ITPR2: variants seen among roughly 807,000 people sequenced by gnomAD.
The protein encoded by ITPR2 is inositol 1,4,5-trisphosphate receptor type 2, also known as inositol 1,4,5-trisphosphate-gated calcium channel ITPR2.
A neutral mutation model predicts 317.1 loss-of-function variants in ITPR2; 207 were observed. The ratio of observed to expected loss-of-function variants is 0.65; its 90% CI spans 0.58 to 0.73. The LOEUF (loss-of-function observed/expected upper bound fraction) is 0.73, where lower values mean the gene tolerates loss of function less well. Ranked by LOEUF, ITPR2 falls within the 30% of genes least tolerant of loss-of-function variation. The pLI, the probability that ITPR2 is intolerant of heterozygous loss-of-function variation, is 0.00. For missense variants in ITPR2, 2,613 were observed against 3,284.0 expected (o/e 0.80, Z 4.99); for synonymous variants, 1,156 against 1,149.1 (o/e 1.01, Z -0.12).
At chr12:26,432,994 C>T (rs1191065704) in intron 48 of ITPR2, among the ~76,000 whole-genome samples, 1 of 152,206 alleles carries the variant, frequency 6.6e-6, no homozygotes, top group Non-Finnish European at 1.5e-5. Flanking sequence ...CAGCACAGAG[C>T]TTTCCTTCTC....
In ITPR2 at chr12:26,439,066, C is replaced by G. The variant is rs1184448184; in HGVS notation, c.6643+61G>C. 1.6e-5 allele frequency: 17 copies of G among 1,062,284 alleles called. No individual in the cohort carries two copies. The East Asian group carries it at 4.0e-4, about 25-fold the overall frequency. The allele number at this position is 1,062,284 out of a possible 1,614,324, so 65.8% of individuals were successfully genotyped here. On this transcript the variant is annotated intron_variant, in intron 47 of 56. Transcript: ENST00000381340. ...TTTAAATGAGCTGCATCATGTGTCCCAAAGTACCAAATTATCTACCACTAT... is the reference window on the plus strand; with the variant it reads ...TTTAAATGAGCTGCATCATGTGTCCGAAAGTACCAAATTATCTACCACTAT...
chr12:26,489,452 C>G (rs1412228423), intron 39 of ITPR2, among the ~76,000 whole-genome samples: 1 of 152,214 alleles, frequency 6.6e-6, no homozygotes, highest in Non-Finnish European at 1.5e-5. Context: ...AGCACAGAAT[C>G]TGGAGCCAGA....
chr12:26,543,897 T>A (rs924897083), intron 37 of ITPR2, among the ~76,000 whole-genome samples: 1 of 152,186 alleles, frequency 6.6e-6, no homozygotes, highest in Non-Finnish European at 1.5e-5. Context: ...TGTTGTTACG[T>A]TTAAAAAGCC....
Position 26,628,168 on chromosome 12 carries a change from A to C in ITPR2, c.2935-6T>G. 2 of 1,580,340 alleles carry C rather than the reference A, an allele frequency of 1.3e-6. No individual in the cohort carries two copies. Among genetic ancestry groups the C allele is most frequent in the Non-Finnish European group, 1.7e-6 (2 of 1,161,910 alleles). On this transcript the variant is annotated splice_region_variant and splice_polypyrimidine_tract_variant and intron_variant, in intron 22 of 56. Coordinates refer to ENST00000381340, the MANE Select transcript of ITPR2 (RefSeq NM_002223.4). The stretch of plus-strand genomic sequence containing the variant: ...AGTCTGACACTCAGGATAAACTATA[A>C]GAAACATTAAGAACAACATAAATTT...
chr12:26,455,680 GGAA>G (rs986884522), intron 45 of ITPR2, among the ~76,000 whole-genome samples: 13 of 152,058 alleles, frequency 8.5e-5, no homozygotes, highest in Non-Finnish European at 1.5e-5. Context: ...GGAGAGGAAG[GGAA>G]GAAAGAGAAA....
intron 1 of ITPR2, among the ~76,000 whole-genome samples, chr12:26,790,735 G>A (rs1290129937): frequency 6.6e-6 from 1 of 152,092 alleles, no homozygotes; most frequent in Admixed American, 6.5e-5. Flanking sequence ...ATGTTTTACA[G>A]GGAATGTGTA....
intron 34 of ITPR2, among the ~76,000 whole-genome samples, chr12:26,570,112 T>C (rs536715366): frequency 5.3e-5 from 8 of 152,362 alleles, no homozygotes; most frequent in African/African-American, 1.9e-4. Flanking sequence ...CCTACTGTGC[T>C]ATAGACAAGG....
At chr12:26,596,413 G>A (rs900762530) in intron 31 of ITPR2, among the ~76,000 whole-genome samples, 4 of 152,278 alleles carry the variant, frequency 2.6e-5, no homozygotes, top group South Asian at 4.1e-4. Context: ...TTGGGAGGCC[G>A]AGGCAGGTGA....
intron 35 of ITPR2, 123 bp from the exon 36 acceptor site, chr12:26,556,498 C>T (rs942496381): frequency 1.1e-6 from 1 of 876,026 alleles, no homozygotes. Flanking sequence ...TCCATAGCAG[C>T]AAATGTCTGT....
intron 39 of ITPR2, 103 bp from the exon 40 acceptor site, chr12:26,487,354 A>G: frequency 1.4e-6 from 1 of 725,452 alleles, no homozygotes; most frequent in South Asian, 2.0e-5. Flanking sequence ...CACACACTTA[A>G]TGCACCACCC....
intron 37 of ITPR2, among the ~76,000 whole-genome samples, chr12:26,548,309 G>A (rs971834069): frequency 6.6e-6 from 1 of 152,158 alleles, no homozygotes; most frequent in Admixed American, 6.5e-5. Context: ...GTACATTATA[G>A]GTACATTGAG....
At chr12:26,691,662 G>T (rs1948242817) in intron 10 of ITPR2, among the ~76,000 whole-genome samples, 1 of 152,074 alleles carries the variant, frequency 6.6e-6, no homozygotes, top group Non-Finnish European at 1.5e-5. Flanking sequence ...GGGGCCTGCA[G>T]GCATCCGCAC....
intron 37 of ITPR2, among the ~76,000 whole-genome samples, chr12:26,522,877 C>G (rs1943701102): frequency 1.3e-5 from 2 of 152,212 alleles, no homozygotes; most frequent in South Asian, 4.1e-4. Context: ...GGTTTTGCTA[C>G]AGTTCAAGAC....
chr12:26,398,147 G>A (rs1940063597), intron 54 of ITPR2, among the ~76,000 whole-genome samples: 1 of 151,856 alleles, frequency 6.6e-6, no homozygotes, highest in African/African-American at 2.4e-5. Context: ...GAAGGGCCGG[G>A]TGCGGTGGCT....
At chr12:26,773,830 C>T (rs958646350) in intron 2 of ITPR2, among the ~76,000 whole-genome samples, 9 of 152,164 alleles carry the variant, frequency 5.9e-5, no homozygotes, top group Non-Finnish European at 2.9e-5. Context: ...TTTGGCCCTT[C>T]TCTGAAACCT....
At chr12:26,538,585 C>CT (rs1159647334) in intron 37 of ITPR2, among the ~76,000 whole-genome samples, 60 of 143,600 alleles carry the variant, frequency 4.2e-4, no homozygotes, top group South Asian at 1.7e-3. Flanking sequence ...TTCTTTTTTT[C>CT]TTTTTTTTTG....
At chr12:26,530,049 T>C (rs1943907857) in intron 37 of ITPR2, among the ~76,000 whole-genome samples, 1 of 152,230 alleles carries the variant, frequency 6.6e-6, no homozygotes, top group South Asian at 2.1e-4. Context: ...TTATATGCTT[T>C]GTAGTCCCAT....
In ITPR2 at chr12:26,339,192, AGCAGAT is replaced by A; in HGVS notation, c.*199_*204del. 2 of 549,530 alleles carry A rather than the reference AGCAGAT, an allele frequency of 3.6e-6. No individual in the cohort carries two copies. The highest frequency in any genetic ancestry group is 6.6e-5 in the Admixed American group (2 of 30,502). The allele number at this position is 549,530 out of a possible 1,614,324, so 34.0% of individuals were successfully genotyped here. ...TGCGAATGTGTGATGTACGCTTTCT[AGCAGAT>A]GCATTTGAGGTTAGGTCTTCGCAAC... On this transcript the variant is annotated 3_prime_UTR_variant, in exon 57 of 57. Transcript: ENST00000381340.
At chr12:26,758,338 GATGTGTGTTA>G (rs1949564963) in intron 2 of ITPR2, among the ~76,000 whole-genome samples, 1 of 152,166 alleles carries the variant, frequency 6.6e-6, no homozygotes, top group Non-Finnish European at 1.5e-5. Flanking sequence ...GTACATAATA[GATGTGTGTTA>G]ATGTTCACTC....
Sources: allele counts gnomAD v4.1 joint callset (sites outside exome capture counted in the v4.1 genomes callset), GRCh38; gene constraint gnomAD v4.1.1; transcripts MANE v1.5; gene names NCBI Gene and HGNC (gene_info 2026-07-23, HGNC 2026-07-21).